B3GLCT: variants seen among roughly 807,000 people sequenced by gnomAD.
B3GLCT encodes the protein beta-1,3-glucosyltransferase.
A neutral mutation model predicts 63.4 loss-of-function variants in B3GLCT; 65 were observed. That is an observed-to-expected ratio of 1.03 (90% CI 0.84 to 1.26). B3GLCT has a LOEUF of 1.26. B3GLCT is among the 50% of genes most tolerant of loss of function. B3GLCT has a pLI of 0.00. For missense variants in B3GLCT, 577 were observed against 604.8 expected (o/e 0.95, Z 0.48); for synonymous variants, 233 against 219.2 (o/e 1.06, Z -0.55).
chr13:31,281,906 A>C (rs1015056802), intron 10 of B3GLCT, among the ~76,000 whole-genome samples: 11 of 152,330 alleles, frequency 7.2e-5, no homozygotes, highest in African/African-American at 2.6e-4. Context: ...GTAAAAATGC[A>C]TGTTCTGTCC....
At chr13:31,229,805 T>G (rs1250055933) in intron 4 of B3GLCT, among the ~76,000 whole-genome samples, 1 of 149,862 alleles carries the variant, frequency 6.7e-6, no homozygotes, top group Non-Finnish European at 1.5e-5. Flanking sequence ...AATTATCATA[T>G]TCTGAATTTT....
chr13:31,210,394 A>G (rs1296377462), intron 1 of B3GLCT, among the ~76,000 whole-genome samples: 1 of 152,228 alleles, frequency 6.6e-6, no homozygotes, highest in Admixed American at 6.5e-5. Context: ...CTGGAAATTA[A>G]TATGAAGCAA....
chr13:31,210,553 G>T (rs116869610), intron 1 of B3GLCT, among the ~76,000 whole-genome samples: 1,774 of 152,286 alleles, frequency 0.012, 18 homozygotes, highest in Non-Finnish European at 0.017. Flanking sequence ...ATTGTTGAAG[G>T]TGACAGGCAA....
At chr13:31,290,199 G>T (rs9530373) in intron 12 of B3GLCT, among the ~76,000 whole-genome samples, 1 of 152,154 alleles carries the variant, frequency 6.6e-6, no homozygotes, top group Non-Finnish European at 1.5e-5. Context: ...ATGAACTCAT[G>T]CTTTTTTATG....
chr13:31,313,058 T>C (rs1468985746), intron 12 of B3GLCT: 2 of 152,234 alleles, frequency 1.3e-5, no homozygotes, highest in Non-Finnish European at 2.9e-5. Flanking sequence ...GCACCAACAC[T>C]TGTCACTGGT....
intron 4 of B3GLCT, among the ~76,000 whole-genome samples, chr13:31,244,519 G>A (rs1333525723): frequency 6.6e-6 from 1 of 152,028 alleles, no homozygotes; most frequent in Non-Finnish European, 1.5e-5. Context: ...AACTTGCTTT[G>A]AATCTAAAAA....
chr13:31,245,179 G>A (rs1265837712), intron 4 of B3GLCT, among the ~76,000 whole-genome samples: 2 of 152,002 alleles, frequency 1.3e-5, no homozygotes, highest in Admixed American at 1.3e-4. Context: ...TTTATGTTGT[G>A]GCAGAAATTA....
chr13:31,228,803 A>G (rs889502271), intron 3 of B3GLCT, among the ~76,000 whole-genome samples: 9 of 152,236 alleles, frequency 5.9e-5, no homozygotes, highest in Non-Finnish European at 7.3e-5. Flanking sequence ...GTAGCAGCAC[A>G]GTGTAGGATT....
chr13:31,314,827 G>T (rs1397292973), intron 12 of B3GLCT, among the ~76,000 whole-genome samples: 1 of 152,204 alleles, frequency 6.6e-6, no homozygotes, highest in Non-Finnish European at 1.5e-5. Flanking sequence ...AACTCGAATT[G>T]TATCTGCCAG....
chr13:31,209,990 G>A (rs1480555762), intron 1 of B3GLCT, among the ~76,000 whole-genome samples: 1 of 152,186 alleles, frequency 6.6e-6, no homozygotes, highest in Non-Finnish European at 1.5e-5. Flanking sequence ...CAGGAACAGG[G>A]AAAGAGAGTT....
At chr13:31,233,216 TA>T in intron 4 of B3GLCT, among the ~76,000 whole-genome samples, 1 of 152,280 alleles carries the variant, frequency 6.6e-6, no homozygotes, top group East Asian at 1.9e-4. Context: ...TTATTAAATA[TA>T]GTAGCTATTT....
rs761160391 is a variant in B3GLCT at position 31,229,207 on chromosome 13, C to T, written c.183C>T (p.Val61=). 1.4e-5 allele frequency: 22 copies of T among 1,609,466 alleles called. No homozygotes were observed. Among genetic ancestry groups the T allele is most frequent in the South Asian group, 5.5e-5 (5 of 90,966 alleles). Residue 61 remains valine (V), a synonymous_variant, in exon 4 of 15, where the codon GTC becomes GTT. Transcript: ENST00000343307. ...NDIDLKGIVF[V]IQSQSNSFHA... ...TAGACTTAAAAGGAATTGTATTCGT[C>T]ATCCAGAGTCAAAGTAATTCTTTTC...
At chr13:31,237,895 C>G (rs1037087167) in intron 4 of B3GLCT, among the ~76,000 whole-genome samples, 14 of 152,162 alleles carry the variant, frequency 9.2e-5, no homozygotes, top group Non-Finnish European at 1.2e-4. Flanking sequence ...AACTGTGAAG[C>G]ATGAAGGTTG....
At chr13:31,328,189 A>G (rs191124413) in intron 14 of B3GLCT, among the ~76,000 whole-genome samples, 44 of 152,334 alleles carry the variant, frequency 2.9e-4, no homozygotes, top group African/African-American at 1.0e-3. Flanking sequence ...CAATAAGGCA[A>G]AATTTAACAA....
chr13:31,262,397 CATGCCT>C (rs1213269705), intron 7 of B3GLCT, among the ~76,000 whole-genome samples: 2 of 152,262 alleles, frequency 1.3e-5, no homozygotes, highest in African/African-American at 4.8e-5. Context: ...CCCTGCCAAG[CATGCCT>C]AAGAGCATCT....
intron 7 of B3GLCT, 38 bp from the exon 8 acceptor site, chr13:31,269,175 CT>C: frequency 7.0e-7 from 1 of 1,430,298 alleles, no homozygotes; most frequent in South Asian, 1.2e-5. Flanking sequence ...CTTGACACTT[CT>C]TTTGGTTAAA....
intron 6 of B3GLCT, among the ~76,000 whole-genome samples, chr13:31,259,441 C>A (rs9542729): frequency 1.9e-4 from 29 of 151,604 alleles, no homozygotes; most frequent in African/African-American, 3.4e-4. Flanking sequence ...CCATTTTGTC[C>A]TGGCAGTCTG....
At chr13:31,312,727 T>C (rs999126926) in intron 12 of B3GLCT, 2 of 152,198 alleles carry the variant, frequency 1.3e-5, no homozygotes, top group African/African-American at 2.4e-5. Flanking sequence ...ATGAAAACTT[T>C]CCATAAGACT....
At chr13:31,285,604 T>TAAA (rs11339832) in intron 11 of B3GLCT, among the ~76,000 whole-genome samples, 30 of 84,240 alleles carry the variant, frequency 3.6e-4, no homozygotes, top group Non-Finnish European at 5.1e-4. Flanking sequence ...CTTTTATGAG[T>TAAA]AAAAAAAAAA....
Sources: gnomAD v4.1 joint callset for allele counts (sites outside exome capture counted in the v4.1 genomes callset) on GRCh38, gnomAD v4.1.1 for gene constraint, MANE v1.5 for transcripts, NCBI Gene and HGNC (gene_info 2026-07-23, HGNC 2026-07-21) for gene names.